Variants in TMEM63C observed in about 807,000 individuals in gnomAD.
TMEM63C encodes osmosensitive cation channel TMEM63C.
A neutral mutation model predicts 99.2 loss-of-function variants in TMEM63C; 32 were observed. The observed-to-expected ratio is 0.32, with a 90% confidence interval of 0.24 to 0.43. TMEM63C has a LOEUF of 0.43. Ranked by LOEUF, TMEM63C falls within the 20% of genes least tolerant of loss-of-function variation. TMEM63C has a pLI of 1.00. For synonymous variants in TMEM63C, 376 were observed against 397.9 expected, an observed-to-expected ratio of 0.94 and a Z score of 0.66; for missense variants, 826 against 1,053.0, an observed-to-expected ratio of 0.78 and a Z score of 2.98.
At chr14:77,203,256 C>T (rs1215155378) in intron 1 of TMEM63C, among the ~76,000 whole-genome samples, 3 of 148,032 alleles carry the variant, frequency 2.0e-5, no homozygotes, top group African/African-American at 7.8e-5. Flanking sequence ...GTGGTGGGCG[C>T]CTGTAGTCCC....
chr14:77,202,748 G>A (rs1343970491), intron 1 of TMEM63C, among the ~76,000 whole-genome samples: 1 of 151,928 alleles, frequency 6.6e-6, no homozygotes, highest in African/African-American at 2.4e-5. Flanking sequence ...ACGTGGACAT[G>A]CATTTTGGGA....
intron 1 of TMEM63C, among the ~76,000 whole-genome samples, chr14:77,210,840 AGGGT>A (rs2140103126): frequency 6.6e-6 from 1 of 151,954 alleles, no homozygotes; most frequent in South Asian, 2.1e-4. Context: ...GCAAGGGGGC[AGGGT>A]GGGAGCTGTG....
At chr14:77,206,164 C>T (rs1888395803) in intron 1 of TMEM63C, among the ~76,000 whole-genome samples, 2 of 151,664 alleles carry the variant, frequency 1.3e-5, no homozygotes, top group Admixed American at 1.3e-4. Flanking sequence ...AGGTTTAGAC[C>T]ACCCCAAAAA....
intron 6 of TMEM63C, among the ~76,000 whole-genome samples, chr14:77,230,528 C>T (rs1888919126): frequency 6.6e-6 from 1 of 152,280 alleles, no homozygotes; most frequent in South Asian, 2.1e-4. Flanking sequence ...GGAACCTGGC[C>T]CCGCAGCAGG....
Position 77,240,477 on chromosome 14 carries a change from G to A in TMEM63C, c.933G>A (p.Val311=), listed in dbSNP as rs765033245. 1.9e-6 allele frequency: 3 copies of A among 1,608,756 alleles called. No homozygotes were observed. Among genetic ancestry groups the A allele is most frequent in the Non-Finnish European group, 2.5e-6 (3 of 1,179,538 alleles). ...CTGAAGGCTGCCTGCCACCCCAGGTGGATGCAGAGCAGTATTACAGCGAGC... is the reference window on the plus strand; with the variant it reads ...CTGAAGGCTGCCTGCCACCCCAGGTAGATGCAGAGCAGTATTACAGCGAGC... The part of the protein sequence containing the change: ...FCKCWTCFKE[V]DAEQYYSELE... The change falls in exon 13 of 24, where the codon GTG becomes GTA. Residue 311 remains valine (V), a splice_region_variant and synonymous_variant. Coordinates refer to ENST00000298351, the MANE Select transcript of TMEM63C (RefSeq NM_020431.4).
At chr14:77,195,739 G>A (rs991734530) in intron 1 of TMEM63C, among the ~76,000 whole-genome samples, 13 of 152,212 alleles carry the variant, frequency 8.5e-5, no homozygotes, top group Non-Finnish European at 1.5e-4. Flanking sequence ...CTGGTGCCTG[G>A]ACTCCCAGTG....
chr14:77,254,398 C>T (rs877896), intron 23 of TMEM63C, among the ~76,000 whole-genome samples: 59,361 of 151,974 alleles, frequency 0.39, 12,937 homozygotes, highest in East Asian at 0.66. Flanking sequence ...AAACCCTACA[C>T]ACAGGCACAG....
At position 77,238,742 on chromosome 14, in the gene TMEM63C, C is replaced by T; in HGVS notation, c.700C>T (p.Pro234Ser). 1 of 1,613,890 alleles carries T rather than the reference C, an allele frequency of 6.2e-7. No homozygotes were observed. Among genetic ancestry groups the T allele is most frequent in the Non-Finnish European group, 8.5e-7 (1 of 1,179,832 alleles). ...ITYVPKDIED[P>S]ELIIKHFHEA... ...CTATGTGCCCAAGGACATTGAAGAC[C>T]CAGAACTCATCATTAAGCATTTTCA... Residue 234 changes from proline to serine, a missense_variant, in exon 10 of 24, where the codon CCA becomes TCA. Pro to Ser is a moderately conservative substitution (Grantham distance 74). Transcript: ENST00000298351.
intron 1 of TMEM63C, among the ~76,000 whole-genome samples, chr14:77,195,694 T>G (rs910554029): frequency 6.6e-6 from 1 of 152,038 alleles, no homozygotes. Flanking sequence ...CAAGGGAAGG[T>G]GGGGTGCTCC....
chr14:77,238,187 C>T (rs1183559303), intron 9 of TMEM63C, among the ~76,000 whole-genome samples: 1 of 152,228 alleles, frequency 6.6e-6, no homozygotes, highest in Non-Finnish European at 1.5e-5. Context: ...CTTCCCTACC[C>T]TCTCCCCAGA....
At chr14:77,231,776 G>A (rs1374455948) in intron 7 of TMEM63C, 46 bp downstream of exon 7, 4 of 1,548,398 alleles carry the variant, frequency 2.6e-6, no homozygotes, top group Non-Finnish European at 3.5e-6. Flanking sequence ...GGACCTGAGA[G>A]GCAGCCAGGC....
chr14:77,220,117 G>C, intron 5 of TMEM63C, 30 bp downstream of exon 5: 2 of 1,546,018 alleles, frequency 1.3e-6, no homozygotes, highest in Non-Finnish European at 1.7e-6. Context: ...TGGGCGGTGG[G>C]AGTCCCAGCA....
At chr14:77,186,776 G>GGTGGGTGTGT (rs1888001633) in intron 1 of TMEM63C, among the ~76,000 whole-genome samples, 1 of 138,438 alleles carries the variant, frequency 7.2e-6, no homozygotes, top group Non-Finnish European at 1.6e-5. Context: ...GAACCAAAGG[G>GGTGGGTGTGT]GTGTGTGTGT....
chr14:77,243,179 T>C, intron 15 of TMEM63C, 123 bp downstream of exon 15: 1 of 1,185,152 alleles, frequency 8.4e-7, no homozygotes, highest in South Asian at 1.5e-5. Context: ...GCGAACATTG[T>C]GGAGGTGGCC....
intron 2 of TMEM63C, among the ~76,000 whole-genome samples, chr14:77,214,406 G>T (rs1888545778): frequency 6.6e-6 from 1 of 151,980 alleles, no homozygotes; most frequent in Non-Finnish European, 1.5e-5. Flanking sequence ...CAGCTCCTCG[G>T]TCTCCTCACC....
At chr14:77,229,606 C>T (rs1888896798) in intron 6 of TMEM63C, among the ~76,000 whole-genome samples, 1 of 93,804 alleles carries the variant, frequency 1.1e-5, no homozygotes, top group Non-Finnish European at 2.3e-5. Flanking sequence ...TGCTACCACA[C>T]CCAGCTAATA....
intron 18 of TMEM63C, among the ~76,000 whole-genome samples, chr14:77,247,415 G>A (rs1336723489): frequency 6.6e-6 from 1 of 152,060 alleles, no homozygotes; most frequent in South Asian, 2.1e-4. Context: ...TGGCCAGGCT[G>A]GTCTCGAACT....
Position 77,248,334 on chromosome 14 carries a change from C to T in TMEM63C, c.1602-13C>T, listed in dbSNP as rs768190441. The stretch of plus-strand genomic sequence containing the variant: ...GGCTTCTGTTGCCACCTTCCCTCTC[C>T]CTCACTGCCCAGGTGTGTGTTCCTG... On this transcript the variant is annotated splice_polypyrimidine_tract_variant and intron_variant, in intron 18 of 23. Transcript: ENST00000298351. 1 of 1,600,360 alleles carries T rather than the reference C, an allele frequency of 6.2e-7. No individual in the cohort carries two copies. The highest frequency in any genetic ancestry group is 8.5e-7 in the Non-Finnish European group (1 of 1,172,754).
intron 1 of TMEM63C, among the ~76,000 whole-genome samples, chr14:77,197,681 A>C (rs1393981553): frequency 6.6e-6 from 1 of 152,220 alleles, no homozygotes; most frequent in Non-Finnish European, 1.5e-5. Context: ...TCCCTAAGAC[A>C]CAGTGCAGTC....
Sources: gnomAD v4.1 joint callset for allele counts (sites outside exome capture counted in the v4.1 genomes callset) on GRCh38, gnomAD v4.1.1 for gene constraint, MANE v1.5 for transcripts, NCBI Gene and HGNC (gene_info 2026-07-23, HGNC 2026-07-21) for gene names.